ZC2HC1A: variants seen among roughly 807,000 people sequenced by gnomAD.
The protein encoded by ZC2HC1A is zinc finger C2HC domain-containing protein 1A.
Under a neutral mutation model 40.7 loss-of-function variants are expected in ZC2HC1A, and 28 were observed. That is an observed-to-expected ratio of 0.69 (90% CI 0.51 to 0.94). ZC2HC1A has a LOEUF of 0.94. Among genes scored for constraint, ZC2HC1A ranks in the 40% least tolerant of loss-of-function variants. The pLI is 0.00. For missense variants in ZC2HC1A, 389 were observed against 386.3 expected, an observed-to-expected ratio of 1.01 and a Z score of -0.06; for synonymous variants, 129 against 129.2, an observed-to-expected ratio of 1.00 and a Z score of 0.01.
chr8:78,715,400 C>T lies in ZC2HC1A; in HGVS notation c.812+72C>T. 3.0e-6 allele frequency: 4 copies of T among 1,345,744 alleles called. No individual in the cohort carries two copies. In the South Asian group the frequency reaches 4.3e-5, roughly 14 times the overall value. 83.4% of individuals were successfully genotyped at this position (1,345,744 alleles called of 1,614,324 possible). On this transcript the variant is annotated intron_variant, in intron 8 of 8. Coordinates refer to ENST00000263849, the MANE Select transcript of ZC2HC1A (RefSeq NM_016010.3). ...ATGATAGTTTTCCAAGGACCATACA[C>T]AAAAGTAAGTAACAAGCTATTTATA... is the stretch of plus-strand genomic sequence containing the variant.
intron 5 of ZC2HC1A, among the ~76,000 whole-genome samples, chr8:78,691,628 T>C (rs952121331): frequency 2.6e-5 from 4 of 152,140 alleles, no homozygotes; most frequent in Non-Finnish European, 4.4e-5. Context: ...CCTTTTGTAA[T>C]TTTTTTAAAA....
intron 3 of ZC2HC1A, among the ~76,000 whole-genome samples, chr8:78,681,075 CT>C (rs112732264): frequency 1.5e-3 from 221 of 144,252 alleles, no homozygotes; most frequent in Middle Eastern, 3.6e-3. Flanking sequence ...AGGCTGTGAC[CT>C]TTTTTTTTTT....
At chr8:78,667,427 G>C (rs1195852064) in intron 1 of ZC2HC1A, among the ~76,000 whole-genome samples, 2 of 151,898 alleles carry the variant, frequency 1.3e-5, no homozygotes, top group Admixed American at 6.6e-5. Flanking sequence ...TTTGTATCTT[G>C]GTGGGATTAA....
rs1306411424 is a variant in ZC2HC1A at position 78,680,632 on chromosome 8, GA to G, written c.210+1958del. On this transcript the variant is annotated intron_variant, in intron 3 of 8. Transcript: ENST00000263849. The stretch of plus-strand genomic sequence containing the variant: ...AAAGCAACTACAAACTTCATTTTTG[GA>G]AAAACAAAAGGTAGGCATAATTCAT... Among the ~76,000 whole-genome samples, 3 of 152,036 alleles carry G rather than the reference GA, an allele frequency of 2.0e-5. No individual in the cohort carries two copies. The East Asian group carries it at 5.8e-4, about 29-fold the overall frequency.
At chr8:78,703,798 T>A (rs1316271306) in intron 7 of ZC2HC1A, among the ~76,000 whole-genome samples, 1 of 152,180 alleles carries the variant, frequency 6.6e-6, no homozygotes, top group Non-Finnish European at 1.5e-5. Context: ...CTAGTATTGA[T>A]GTGTGTGGAT....
chr8:78,670,577 G>A (rs1222967043), intron 1 of ZC2HC1A, among the ~76,000 whole-genome samples: 1 of 152,134 alleles, frequency 6.6e-6, no homozygotes, highest in Non-Finnish European at 1.5e-5. Flanking sequence ...CAAGGGATTC[G>A]TGGATAATTC....
In ZC2HC1A at chr8:78,718,211, A is replaced by G. The variant is rs1811165175; in HGVS notation, c.*718A>G. On this transcript the variant is annotated 3_prime_UTR_variant, in exon 9 of 9. Coordinates refer to ENST00000263849, the MANE Select transcript of ZC2HC1A (RefSeq NM_016010.3). ...TTAGTTCTGTATGTATTCGTTGAAC[A>G]TATTTTTTTACTTCCAATTGTTTTT... 1 of 151,966 alleles carries G rather than the reference A, an allele frequency of 6.6e-6. No homozygotes were observed. The highest frequency in any genetic ancestry group is 1.5e-5 in the Non-Finnish European group (1 of 67,886). 9.4% of individuals were successfully genotyped at this position (151,966 alleles called of 1,614,324 possible). A position where few individuals can be genotyped will look rare whatever the true frequency, so the allele number is the denominator to read the frequency against.
intron 7 of ZC2HC1A, among the ~76,000 whole-genome samples, chr8:78,704,603 A>G (rs1810713386): frequency 6.6e-6 from 1 of 152,092 alleles, no homozygotes; most frequent in African/African-American, 2.4e-5. Context: ...TGAGTATCTT[A>G]CTGGGGTTCT....
intron 3 of ZC2HC1A, among the ~76,000 whole-genome samples, chr8:78,681,579 G>A (rs370941687): frequency 7.9e-5 from 12 of 152,178 alleles, no homozygotes; most frequent in East Asian, 7.7e-4. Flanking sequence ...AAGTTGTTTC[G>A]TTGTTTTCTA....
chr8:78,672,341 TAA>T (rs987027389), intron 1 of ZC2HC1A, among the ~76,000 whole-genome samples: 2 of 152,160 alleles, frequency 1.3e-5, no homozygotes, highest in African/African-American at 4.8e-5. Flanking sequence ...CAGAATATTT[TAA>T]CCCCTTGGTC....
At chr8:78,695,654 C>CTA (rs928424645) in intron 5 of ZC2HC1A, among the ~76,000 whole-genome samples, 6 of 152,070 alleles carry the variant, frequency 3.9e-5, no homozygotes, top group Non-Finnish European at 7.4e-5. Context: ...GTCTTTCTCT[C>CTA]TCTATATATA....
intron 1 of ZC2HC1A, among the ~76,000 whole-genome samples, chr8:78,673,243 A>C (rs1309836157): frequency 6.6e-6 from 1 of 152,040 alleles, no homozygotes; most frequent in Non-Finnish European, 1.5e-5. Context: ...AAGGACATGA[A>C]CTCATTCTTT....
intron 5 of ZC2HC1A, among the ~76,000 whole-genome samples, chr8:78,689,684 G>T (rs181852599): frequency 6.6e-6 from 1 of 151,654 alleles, no homozygotes; most frequent in Non-Finnish European, 1.5e-5. Flanking sequence ...TTAGATTATC[G>T]AGTGAAAGAC....
intron 3 of ZC2HC1A, among the ~76,000 whole-genome samples, chr8:78,681,527 T>G (rs1332250985): frequency 6.6e-6 from 1 of 152,176 alleles, no homozygotes; most frequent in African/African-American, 2.4e-5. Flanking sequence ...ATAATGTCAT[T>G]CTTTTTGTCA....
intron 5 of ZC2HC1A, among the ~76,000 whole-genome samples, chr8:78,693,345 C>G (rs1467864328): frequency 3.3e-5 from 5 of 151,890 alleles, no homozygotes; most frequent in South Asian, 2.1e-4. Context: ...TACAGTCCCA[C>G]CAACAGTGTA....
Position 78,686,570 on chromosome 8 carries a change from G to C in ZC2HC1A, c.314G>C (p.Gly105Ala). The change falls in exon 4 of 9, where the codon GGC becomes GCC. Residue 105 changes from glycine to alanine, a missense_variant. Coordinates refer to ENST00000263849, the MANE Select transcript of ZC2HC1A (RefSeq NM_016010.3). ...KGLDQALKEG[G>A]KLPPPPPPSY... Reference sequence around the variant, plus strand: ...CTTGATCAGGCCCTCAAAGAGGGTGGCAAACTTCCTCCTCCTCCTCCACCT... The same window carrying C: ...CTTGATCAGGCCCTCAAAGAGGGTGCCAAACTTCCTCCTCCTCCTCCACCT... 8 of 1,535,222 alleles carry C rather than the reference G, an allele frequency of 5.2e-6. No homozygotes were observed. Among genetic ancestry groups the C allele is most frequent in the Non-Finnish European group, 7.0e-6 (8 of 1,140,390 alleles).
intron 1 of ZC2HC1A, among the ~76,000 whole-genome samples, chr8:78,673,204 T>TA (rs1809482981): frequency 6.6e-6 from 1 of 152,140 alleles, no homozygotes; most frequent in African/African-American, 2.4e-5. Context: ...CTGAGAAAGA[T>TA]GGTTTCCAGC....
chr8:78,683,456 G>T (rs1438289033), intron 3 of ZC2HC1A, among the ~76,000 whole-genome samples: 1 of 152,212 alleles, frequency 6.6e-6, no homozygotes, highest in African/African-American at 2.4e-5. Context: ...TTGCACCTCT[G>T]AAGCCATGGC....
chr8:78,693,959 A>T (rs1014828727), intron 5 of ZC2HC1A, among the ~76,000 whole-genome samples: 2 of 152,202 alleles, frequency 1.3e-5, no homozygotes, highest in East Asian at 3.9e-4. Context: ...ATGGCTAGCC[A>T]GTTTTCCCAG....
Sources: allele counts gnomAD v4.1 joint callset (sites outside exome capture counted in the v4.1 genomes callset), GRCh38; gene constraint gnomAD v4.1.1; transcripts MANE v1.5; gene names NCBI Gene and HGNC (gene_info 2026-07-23, HGNC 2026-07-21).